RIPOR3: variants seen among roughly 807,000 people sequenced by gnomAD.
RIPOR3 encodes the protein RIPOR family member 3.
Under a neutral mutation model 114.3 loss-of-function variants are expected in RIPOR3, and 95 were observed. The ratio of observed to expected loss-of-function variants is 0.83; its 90% CI spans 0.70 to 0.99. The LOEUF (loss-of-function observed/expected upper bound fraction) is 0.99, where lower values mean the gene tolerates loss of function less well. Among genes scored for constraint, RIPOR3 ranks in the 50% least tolerant of loss-of-function variants. The probability of loss-of-function intolerance (pLI) is 0.00; values close to 1 mark genes in which losing one functional copy is unlikely to be tolerated. For missense variants in RIPOR3, 1,252 were observed against 1,266.9 expected, an observed-to-expected ratio of 0.99 and a Z score of 0.18; for synonymous variants, 575 against 543.8, an observed-to-expected ratio of 1.06 and a Z score of -0.80.
intron 18 of RIPOR3, 25 bp from the exon 19 acceptor site, chr20:50,592,571 C>T (rs2083148222): frequency 6.8e-7 from 1 of 1,463,134 alleles, no homozygotes; most frequent in Non-Finnish European, 9.0e-7. Context: ...AGAGGTGGGC[C>T]CAGGTCCCCT....
At chr20:50,612,335 A>G (rs1374541595) in intron 4 of RIPOR3, among the ~76,000 whole-genome samples, 1 of 152,066 alleles carries the variant, frequency 6.6e-6, no homozygotes, top group African/African-American at 2.4e-5. Flanking sequence ...GCCACAGACA[A>G]TATGTACATG....
At chr20:50,666,183 A>ATTTCTTCTTTTCTTTTCTTTTCTTT (rs2086189628) in intron 1 of RIPOR3, among the ~76,000 whole-genome samples, 9 of 43,764 alleles carry the variant, frequency 2.1e-4, no homozygotes, top group African/African-American at 4.8e-4. Context: ...AAGGACACCC[A>ATTTCTTCTTTTCTTTTCTTTTCTTT]TTTCTTTTCT....
At chr20:50,647,673 A>G (rs181535317) in intron 1 of RIPOR3, among the ~76,000 whole-genome samples, 4,337 of 151,052 alleles carry the variant, frequency 0.029, 212 homozygotes, top group African/African-American at 0.099. Flanking sequence ...TAGTAGAGAC[A>G]GGGTTTCACC....
At chr20:50,679,133 A>ATAT (rs1568964668) in intron 1 of RIPOR3, among the ~76,000 whole-genome samples, 3 of 19,990 alleles carry the variant, frequency 1.5e-4, no homozygotes, top group African/African-American at 3.7e-4. Flanking sequence ...AAAAAAAAAA[A>ATAT]AAATATATAT....
Position 50,589,890 on chromosome 20 carries a change from C to T in RIPOR3, c.2578-121G>A, listed in dbSNP as rs867186894. ...GCTGTGCCCATCTTTCTCTAAACAACGTTCAGGACACGATCGGTCCATCTT... is the reference window on the plus strand; with the variant it reads ...GCTGTGCCCATCTTTCTCTAAACAATGTTCAGGACACGATCGGTCCATCTT... On this transcript the variant is annotated intron_variant, in intron 19 of 21. Coordinates refer to ENST00000327979, the MANE Select transcript of RIPOR3 (RefSeq NM_001290268.2). 3.1e-5 allele frequency: 24 copies of T among 786,194 alleles called. No homozygotes were observed. In the Middle Eastern group the frequency reaches 1.2e-3, roughly 41 times the overall value. 48.7% of individuals were successfully genotyped at this position (786,194 alleles called of 1,614,324 possible).
At chr20:50,638,709 A>G (rs1303909578) in intron 1 of RIPOR3, among the ~76,000 whole-genome samples, 1 of 151,932 alleles carries the variant, frequency 6.6e-6, no homozygotes, top group African/African-American at 2.4e-5. Context: ...AAGATGGGGT[A>G]GCGGGAGGGA....
intron 1 of RIPOR3, among the ~76,000 whole-genome samples, chr20:50,671,086 C>G (rs2086462643): frequency 6.6e-6 from 1 of 152,120 alleles, no homozygotes; most frequent in Admixed American, 6.5e-5. Flanking sequence ...CACCACCATG[C>G]CTGGCTAATT....
rs774441526 is a variant in RIPOR3, at chr20:50,587,005, G to T, written c.*227C>A. On this transcript the variant is annotated 3_prime_UTR_variant, in exon 22 of 22. Transcript: ENST00000327979. ...AGAAGTTGAGCGCTCTGTTGAGGCC[G>T]TGCAGCCCCTGGAATGCTGTACCTT... The T allele has an allele frequency of 3.4e-5, 18 of 526,584 alleles. No individual in the cohort carries two copies. Among genetic ancestry groups the T allele is most frequent in the Non-Finnish European group, 5.5e-5 (16 of 292,508 alleles). The allele number at this position is 526,584 out of a possible 1,614,324, so 32.6% of individuals were successfully genotyped here. A position where few individuals can be genotyped will look rare whatever the true frequency, so the allele number is the denominator to read the frequency against.
chr20:50,669,479 A>G (rs2086384285), intron 1 of RIPOR3, among the ~76,000 whole-genome samples: 1 of 152,156 alleles, frequency 6.6e-6, no homozygotes, highest in Non-Finnish European at 1.5e-5. Context: ...CCTGGAAAAT[A>G]TTTGAATTTG....
At chr20:50,601,300 G>A (rs2083484573) in intron 13 of RIPOR3, among the ~76,000 whole-genome samples, 1 of 152,186 alleles carries the variant, frequency 6.6e-6, no homozygotes. Context: ...CAGGCGTGGT[G>A]GTGTGCACCT....
intron 1 of RIPOR3, 26 bp downstream of exon 1, chr20:50,691,100 A>T (rs539588228): frequency 6.2e-5 from 80 of 1,289,456 alleles, no homozygotes; most frequent in Non-Finnish European, 7.4e-5. Flanking sequence ...CACGGCACAC[A>T]TGGGGAGCAG....
At chr20:50,598,299 C>T (rs1332050589) in intron 13 of RIPOR3, among the ~76,000 whole-genome samples, 2 of 152,056 alleles carry the variant, frequency 1.3e-5, no homozygotes, top group Non-Finnish European at 2.9e-5. Context: ...GCCACCAACC[C>T]GCCACTGGTC....
chr20:50,647,095 G>A (rs146676400), intron 1 of RIPOR3, among the ~76,000 whole-genome samples: 3,194 of 152,266 alleles, frequency 0.021, 122 homozygotes, highest in African/African-American at 0.073. Flanking sequence ...CGAGGCGGAC[G>A]GATCACTTGA....
At chr20:50,679,123 A>ATATATATATATATAT (rs1473343687) in intron 1 of RIPOR3, among the ~76,000 whole-genome samples, 4 of 79,170 alleles carry the variant, frequency 5.1e-5, no homozygotes, top group Non-Finnish European at 1.0e-4. Context: ...AAAAAAAAAA[A>ATATATATATATATAT]AAAAAAAAAA....
intron 1 of RIPOR3, among the ~76,000 whole-genome samples, chr20:50,633,736 C>G (rs1198138860): frequency 2.6e-5 from 4 of 152,160 alleles, no homozygotes; most frequent in Non-Finnish European, 5.9e-5. Flanking sequence ...GCAGTTCCTC[C>G]CGATGCAAAG....
chr20:50,588,795 T>C (rs1333369474), intron 20 of RIPOR3, among the ~76,000 whole-genome samples: 7 of 149,306 alleles, frequency 4.7e-5, no homozygotes, highest in Middle Eastern at 3.6e-3. Flanking sequence ...AATAAAGAAT[T>C]CTAGGCCGGG....
chr20:50,587,970 G>A, intron 20 of RIPOR3, 78 bp from the exon 21 acceptor site: 1 of 1,384,496 alleles, frequency 7.2e-7, no homozygotes, highest in Non-Finnish European at 1.0e-6. Context: ...TGGCCCTGCA[G>A]GGCCAGTCCT....
intron 1 of RIPOR3, among the ~76,000 whole-genome samples, chr20:50,666,606 C>G (rs1005080140): frequency 6.6e-6 from 1 of 151,392 alleles, no homozygotes; most frequent in Non-Finnish European, 1.5e-5. Context: ...ACTCTGTTGC[C>G]TAGGCTGGAG....
intron 4 of RIPOR3, among the ~76,000 whole-genome samples, chr20:50,615,108 AGTGTGTGTGTGTGT>A (rs56136460): frequency 3.3e-3 from 463 of 138,514 alleles, no homozygotes; most frequent in Non-Finnish European, 4.8e-3. Flanking sequence ...GCTATTTGTG[AGTGTGTGTGTGTGT>A]GTGTGTGTGT....
Sources: allele counts gnomAD v4.1 joint callset (sites outside exome capture counted in the v4.1 genomes callset), GRCh38; gene constraint gnomAD v4.1.1; transcripts MANE v1.5; gene names NCBI Gene and HGNC (gene_info 2026-07-23, HGNC 2026-07-21).